The following PEX11G variants were observed in gnomAD, a reference collection of about 807,000 sequenced individuals.
The protein encoded by PEX11G is peroxisomal biogenesis factor 11 gamma.
In PEX11G, 20 loss-of-function variants were observed where a neutral mutation model predicts 22.5. The ratio of observed to expected loss-of-function variants is 0.89; its 90% CI spans 0.62 to 1.29. The LOEUF (loss-of-function observed/expected upper bound fraction) is 1.29, where lower values mean the gene tolerates loss of function less well. PEX11G is among the 50% of genes most tolerant of loss of function. The probability of loss-of-function intolerance (pLI) is 0.00; values close to 1 mark genes in which losing one functional copy is unlikely to be tolerated. For missense variants in PEX11G, 347 were observed against 331.3 expected, an observed-to-expected ratio of 1.05 and a Z score of -0.37; for synonymous variants, 141 against 154.5, an observed-to-expected ratio of 0.91 and a Z score of 0.65.
chr19:7,494,590 C>T (rs1461502806), intron 1 of PEX11G, among the ~76,000 whole-genome samples: 2 of 152,294 alleles, frequency 1.3e-5, no homozygotes, highest in South Asian at 4.1e-4. Flanking sequence ...CAGCAGTGAG[C>T]TTTGCAGACA....
At position 7,478,325 on chromosome 19, in the gene PEX11G, C is replaced by T. The variant is rs145919987; in HGVS notation, c.480G>A (p.Ala160=). The T allele has an allele frequency of 3.2e-5, 52 of 1,610,792 alleles. No homozygotes were observed. Among genetic ancestry groups the T allele is most frequent in the Non-Finnish European group, 3.8e-5 (45 of 1,179,528 alleles). ...TCACGGGCTCCTACCTGGTGAAGGGCGCCGTGGGGCTCCGCAGCCTCTGTC... is the reference window on the plus strand; with the variant it reads ...TCACGGGCTCCTACCTGGTGAAGGGTGCCGTGGGGCTCCGCAGCCTCTGTC... ...KLRQRLRSPT[A]PFTSPLPRGK... is the part of the protein sequence containing the mutation. The change falls in exon 4 of 5, where the codon GCG becomes GCA. Residue 160 remains alanine, a synonymous_variant. Coordinates refer to ENST00000221480, the MANE Select transcript of PEX11G (RefSeq NM_080662.4).
At chr19:7,494,792 A>G (rs1302512776) in intron 1 of PEX11G, among the ~76,000 whole-genome samples, 1 of 151,912 alleles carries the variant, frequency 6.6e-6, no homozygotes, top group Non-Finnish European at 1.5e-5. Flanking sequence ...AGACAAGGCC[A>G]CTCTGTGACC....
At chr19:7,493,930 CAG>C (rs956163246), upstream of PEX11G, among the ~76,000 whole-genome samples, 17 of 146,502 alleles carry the variant, frequency 1.2e-4, no homozygotes, top group African/African-American at 4.3e-4. Context: ...TTTTTAGAGT[CAG>C]AGTCTCGCTC....
chr19:7,493,036 A>G (rs1197716319), upstream of PEX11G: 1 of 152,176 alleles, frequency 6.6e-6, no homozygotes, highest in African/African-American at 2.4e-5. Context: ...GTTCATGGCT[A>G]TATCCGCACA....
At chr19:7,494,064 G>A (rs1282339648) in intron 1 of PEX11G, among the ~76,000 whole-genome samples, 1 of 151,924 alleles carries the variant, frequency 6.6e-6, no homozygotes, top group African/African-American at 2.4e-5. Context: ...CCACCACCAC[G>A]CCCAGCTAAT....
chr19:7,493,258 T>TCATAGCACCACTGCTGCA (rs1555736882), upstream of PEX11G, among the ~76,000 whole-genome samples: 4 of 151,660 alleles, frequency 2.6e-5, no homozygotes, highest in Admixed American at 1.3e-4. Context: ...AGTGGCATGA[T>TCATAGCACCACTGCTGCA]TTCGGCTCAC....
chr19:7,477,646 C>G (rs1051484227), intron 4 of PEX11G, among the ~76,000 whole-genome samples: 2 of 152,118 alleles, frequency 1.3e-5, no homozygotes, highest in Non-Finnish European at 2.9e-5. Context: ...GAACCCGGGT[C>G]CAAGTCCTCA....
intron 4 of PEX11G, 41 bp downstream of exon 4, chr19:7,478,273 G>A: frequency 6.3e-7 from 1 of 1,595,966 alleles, no homozygotes; most frequent in Non-Finnish European, 8.5e-7. Flanking sequence ...ACGCCTGCTG[G>A]AGGGAGTGGG....
upstream of PEX11G, among the ~76,000 whole-genome samples, chr19:7,492,363 G>A (rs1025597967): frequency 6.6e-6 from 1 of 152,140 alleles, no homozygotes. Context: ...CATCGTAGTA[G>A]GTGTGACGTG....
chr19:7,481,729 C>T (rs1002858158), intron 3 of PEX11G, among the ~76,000 whole-genome samples: 1 of 152,176 alleles, frequency 6.6e-6, no homozygotes, highest in African/African-American at 2.4e-5. Flanking sequence ...CCCCCTGGGA[C>T]CTCCAGAAGG....
chr19:7,482,069 G>C lies in PEX11G; in HGVS notation c.392C>G (p.Thr131Ser). 1 of 1,596,368 alleles carries C rather than the reference G, an allele frequency of 6.3e-7. No individual in the cohort carries two copies. The highest frequency in any genetic ancestry group is 8.5e-7 in the Non-Finnish European group (1 of 1,173,426). ...DSSRWWTLST[T>S]LWALSLLLGV... ...CAGGAGCAGAGAGAGGGCCCACAGG[G>C]TTGTACTCAGCGTCCACCACCGAGA... is the stretch of plus-strand genomic sequence containing the variant. The change falls in exon 3 of 5, where the codon ACC becomes AGC. Residue 131 changes from threonine (T) to serine (S), a missense_variant. Coordinates refer to ENST00000221480, the MANE Select transcript of PEX11G (RefSeq NM_080662.4).
chr19:7,494,946 C>G (rs1465430768), intron 1 of PEX11G, among the ~76,000 whole-genome samples: 1 of 152,168 alleles, frequency 6.6e-6, no homozygotes, highest in Non-Finnish European at 1.5e-5. Flanking sequence ...CCAAGCACAG[C>G]TTTAGTCTTC....
At chr19:7,489,409 A>G, upstream of PEX11G, 1 of 1,017,956 alleles carries the variant, frequency 9.8e-7, no homozygotes, top group Non-Finnish European at 1.2e-6. Flanking sequence ...CCTTTTCTGC[A>G]CTGTCTGCCT....
At chr19:7,489,487 G>T, upstream of PEX11G, 1 of 988,614 alleles carries the variant, frequency 1.0e-6, no homozygotes. Context: ...AAGGAAAGAC[G>T]TTATCTTTGG....
chr19:7,482,327 T>C, intron 2 of PEX11G, 116 bp from the exon 3 acceptor site: 1 of 1,236,692 alleles, frequency 8.1e-7, no homozygotes, highest in Non-Finnish European at 1.1e-6. Flanking sequence ...CTGGGCCGTG[T>C]CCAGGCCTGG....
rs1160904062 is a variant in PEX11G, at chr19:7,478,313, C to A, written c.491+1G>T. The A allele has an allele frequency of 6.2e-7, 1 of 1,610,680 alleles. No individual in the cohort carries two copies. Among genetic ancestry groups the A allele is most frequent in the Non-Finnish European group, 8.5e-7 (1 of 1,179,474 alleles). ...CCTGCTGGGTGATCACGGGCTCCTA[C>A]CTGGTGAAGGGCGCCGTGGGGCTCC... is the stretch of plus-strand genomic sequence containing the variant. On this transcript the variant is annotated splice_donor_variant, in intron 4 of 4. Coordinates refer to ENST00000221480, the MANE Select transcript of PEX11G (RefSeq NM_080662.4). LOFTEE classifies it high-confidence loss of function.
intron 2 of PEX11G, 49 bp downstream of exon 2, chr19:7,485,789 T>C: frequency 6.8e-7 from 1 of 1,462,598 alleles, no homozygotes; most frequent in Middle Eastern, 1.8e-4. Flanking sequence ...TTAAAAAATG[T>C]CCACTCAGGT....
At chr19:7,492,643 T>C (rs1339454433), upstream of PEX11G, among the ~76,000 whole-genome samples, 1 of 152,198 alleles carries the variant, frequency 6.6e-6, no homozygotes, top group Non-Finnish European at 1.5e-5. Flanking sequence ...GGTTTCGCCA[T>C]GTTGGCCAGG....
chr19:7,477,402 C>T lies in PEX11G; in HGVS notation c.526G>A (p.Ala176Thr), dbSNP rs1352319343. ...LPRGKRRAME[A>T]QMQSEALSLL... is the part of the protein sequence containing the mutation. ...GACAGCGCCTCCGACTGCATCTGCGCCTCCATGGCCCTCCGCTTGCCCCGG... is the reference window on the plus strand; with the variant it reads ...GACAGCGCCTCCGACTGCATCTGCGTCTCCATGGCCCTCCGCTTGCCCCGG... Residue 176 changes from alanine (A) to threonine (T), a missense_variant, in exon 5 of 5, where the codon GCG becomes ACG. Ala to Thr is a moderately conservative substitution (Grantham distance 58). Coordinates refer to ENST00000221480, the MANE Select transcript of PEX11G (RefSeq NM_080662.4). 2.7e-6 allele frequency: 4 copies of T among 1,500,790 alleles called. No homozygotes were observed. Among genetic ancestry groups the T allele is most frequent in the Non-Finnish European group, 3.5e-6 (4 of 1,128,170 alleles). The allele number at this position is 1,500,790 out of a possible 1,614,324, so 93.0% of individuals were successfully genotyped here. A position where few individuals can be genotyped will look rare whatever the true frequency, so the allele number is the denominator to read the frequency against.
Sources: allele counts gnomAD v4.1 joint callset (sites outside exome capture counted in the v4.1 genomes callset), GRCh38; gene constraint gnomAD v4.1.1; transcripts MANE v1.5; gene names NCBI Gene and HGNC (gene_info 2026-07-23, HGNC 2026-07-21).